UBE2QL1: variants seen among roughly 807,000 people sequenced by gnomAD.
UBE2QL1 encodes the protein ubiquitin-conjugating enzyme E2Q-like protein 1.
In UBE2QL1, 5 loss-of-function variants were observed where a neutral mutation model predicts 12.6. That is an observed-to-expected ratio of 0.40 (90% confidence interval 0.21 to 0.83). The LOEUF is 0.83. Among genes scored for constraint, UBE2QL1 ranks in the 40% least tolerant of loss-of-function variants. The probability of loss-of-function intolerance (pLI) is 0.37; values close to 1 mark genes in which losing one functional copy is unlikely to be tolerated. For synonymous variants in UBE2QL1, 96 were observed against 94.5 expected, an observed-to-expected ratio of 1.02 and a Z score of -0.10; for missense variants, 99 against 222.6, an observed-to-expected ratio of 0.44 and a Z score of 3.53.
intron 1 of UBE2QL1, among the ~76,000 whole-genome samples, chr5:6,469,630 TTAAAG>T (rs991625460): frequency 6.0e-5 from 9 of 150,718 alleles, no homozygotes; most frequent in Middle Eastern, 3.5e-3. Context: ...AAATGTATGT[TTAAAG>T]TAGTTATATA....
chr5:6,485,880 G>A (rs1734458843), intron 1 of UBE2QL1, among the ~76,000 whole-genome samples: 1 of 152,144 alleles, frequency 6.6e-6, no homozygotes, highest in Admixed American at 6.5e-5. Context: ...TAATTCAAAA[G>A]GCTAAGAAAT....
intron 1 of UBE2QL1, among the ~76,000 whole-genome samples, chr5:6,484,255 A>G (rs1249101766): frequency 1.3e-5 from 2 of 152,166 alleles, no homozygotes; most frequent in Non-Finnish European, 2.9e-5. Context: ...GCGAGCAGGG[A>G]GGGCTGGTCT....
In UBE2QL1 at chr5:6,492,101, G is replaced by A. The variant is rs1326531574; in HGVS notation, c.*752G>A. On this transcript the variant is annotated 3_prime_UTR_variant, in exon 2 of 2. Transcript: ENST00000399816. ...TGGCAGACGGTGGCGTAGACACCAG[G>A]TGCGCCCTCTGGGGCTCAGAGCAAC... The A allele has an allele frequency of 1.3e-5, 2 of 152,282 alleles. No homozygotes were observed. Among genetic ancestry groups the A allele is most frequent in the African/African-American group, 2.4e-5 (1 of 41,456 alleles). The allele number at this position is 152,282 out of a possible 1,614,324, so 9.4% of individuals were successfully genotyped here.
intron 1 of UBE2QL1, among the ~76,000 whole-genome samples, chr5:6,480,873 C>T (rs1407102805): frequency 2.0e-5 from 3 of 152,086 alleles, no homozygotes; most frequent in Admixed American, 1.3e-4. Context: ...TTCTGAGTGC[C>T]GGCATTTCCT....
In UBE2QL1 at chr5:6,495,321, C is replaced by T. The variant is rs1009667746; in HGVS notation, c.*3972C>T. ...TTCAGTGTACCCATCCAATAGCATG[C>T]GAAATTTTAATGGAATTTGCTTTCT... is the stretch of plus-strand genomic sequence containing the variant. On this transcript the variant is annotated 3_prime_UTR_variant, in exon 2 of 2. Coordinates refer to ENST00000399816, the MANE Select transcript of UBE2QL1 (RefSeq NM_001145161.3). Among the ~76,000 whole-genome samples, 5 of 152,150 alleles carry T rather than the reference C, an allele frequency of 3.3e-5. No individual in the cohort carries two copies. The highest frequency in any genetic ancestry group is 6.5e-5 in the Admixed American group (1 of 15,284).
chr5:6,468,685 GA>G (rs1335588497), intron 1 of UBE2QL1, among the ~76,000 whole-genome samples: 3 of 152,166 alleles, frequency 2.0e-5, no homozygotes, highest in Non-Finnish European at 2.9e-5. Flanking sequence ...GATGCTTTCT[GA>G]AAGCCTTCAA....
At chr5:6,464,558 G>A (rs1173351243) in intron 1 of UBE2QL1, among the ~76,000 whole-genome samples, 3 of 152,152 alleles carry the variant, frequency 2.0e-5, no homozygotes, top group Non-Finnish European at 4.4e-5. Context: ...TTCTTAATTA[G>A]AGGAACTTGA....
At position 6,478,019 on chromosome 5, in the gene UBE2QL1, A is replaced by C. The variant is rs1239197439; in HGVS notation, c.355-13199A>C. On this transcript the variant is annotated intron_variant, in intron 1 of 1. Coordinates refer to ENST00000399816, the MANE Select transcript of UBE2QL1 (RefSeq NM_001145161.3). The surrounding 1 kb of genome is among the most constrained non-coding windows in gnomAD (Gnocchi z 4.5). ...AATTAAATCTCACATCTTTATGAGC[A>C]CAATTCCTTCTTTTAAAAATCAGAA... 1.3e-5 allele frequency among the ~76,000 whole-genome samples: 2 copies of C among 152,188 alleles called. No homozygotes were observed. The highest frequency in any genetic ancestry group is 2.4e-5 in the African/African-American group (1 of 41,444).
chr5:6,461,256 G>A (rs986058828), intron 1 of UBE2QL1, among the ~76,000 whole-genome samples: 2 of 152,128 alleles, frequency 1.3e-5, no homozygotes, highest in African/African-American at 4.8e-5. Flanking sequence ...AGTCAACTGA[G>A]GCCTTGAGCA....
At chr5:6,455,854 G>A (rs1319006263) in intron 1 of UBE2QL1, among the ~76,000 whole-genome samples, 1 of 152,084 alleles carries the variant, frequency 6.6e-6, no homozygotes, top group Non-Finnish European at 1.5e-5. Flanking sequence ...CCTGTCCTAG[G>A]TCAACCCTGA....
chr5:6,475,458 A>G (rs919907990), intron 1 of UBE2QL1, among the ~76,000 whole-genome samples: 34 of 152,154 alleles, frequency 2.2e-4, no homozygotes, highest in East Asian at 5.8e-4. Flanking sequence ...TTTGTCCCCT[A>G]TTTCCTTGCA....
At chr5:6,474,665 G>A (rs537896790) in intron 1 of UBE2QL1, among the ~76,000 whole-genome samples, 14 of 152,298 alleles carry the variant, frequency 9.2e-5, no homozygotes, top group South Asian at 6.2e-4. Flanking sequence ...TGTGGCATGC[G>A]GGGGCCTTCA....
chr5:6,490,366 T>C (rs1734544823), intron 1 of UBE2QL1, among the ~76,000 whole-genome samples: 1 of 152,224 alleles, frequency 6.6e-6, no homozygotes, highest in Admixed American at 6.5e-5. Flanking sequence ...TTGCCTGGTT[T>C]CTTCTTCTGC....
At chr5:6,451,999 G>A (rs58268176) in intron 1 of UBE2QL1, among the ~76,000 whole-genome samples, 25,166 of 152,020 alleles carry the variant, frequency 0.17, 2,135 homozygotes, top group African/African-American at 0.2. Context: ...GTTATGTTCT[G>A]ATACTTCTCG....
chr5:6,487,148 C>T (rs554354122), intron 1 of UBE2QL1, among the ~76,000 whole-genome samples: 10 of 152,202 alleles, frequency 6.6e-5, no homozygotes, highest in African/African-American at 1.2e-4. Flanking sequence ...AAGATGCAGA[C>T]GTGCCAGGCT....
intron 1 of UBE2QL1, among the ~76,000 whole-genome samples, chr5:6,461,545 C>CCT (rs764755848): frequency 1.8e-5 from 2 of 108,568 alleles, no homozygotes; most frequent in East Asian, 6.1e-4. Context: ...CACCCACCAC[C>CCT]CCCCCCCGCC....
At chr5:6,474,124 T>C (rs754572083) in intron 1 of UBE2QL1, among the ~76,000 whole-genome samples, 1 of 152,208 alleles carries the variant, frequency 6.6e-6, no homozygotes, top group Non-Finnish European at 1.5e-5. Context: ...GAAGCTGAGA[T>C]CAGAATTTGA....
chr5:6,483,430 C>T (rs374160667), intron 1 of UBE2QL1, among the ~76,000 whole-genome samples: 43 of 137,236 alleles, frequency 3.1e-4, no homozygotes, highest in Middle Eastern at 3.5e-3. Context: ...CAGAGTGAGA[C>T]TCTGTCTAAA....
intron 1 of UBE2QL1, among the ~76,000 whole-genome samples, chr5:6,466,852 A>C (rs1437379771): frequency 1.3e-5 from 2 of 152,132 alleles, no homozygotes; most frequent in Admixed American, 1.3e-4. Flanking sequence ...TTTTGTTTGT[A>C]ATCACGTGCC....
Sources: gnomAD v4.1 joint callset for allele counts (sites outside exome capture counted in the v4.1 genomes callset) on GRCh38, gnomAD v4.1.1 for gene constraint, Gnocchi (gnomAD v3.1) non-coding constraint, MANE v1.5 for transcripts, NCBI Gene and HGNC (gene_info 2026-07-23, HGNC 2026-07-21) for gene names.